Variants in PTK2 observed in about 807,000 individuals in gnomAD.
The protein encoded by PTK2 is protein tyrosine kinase 2, also known as focal adhesion kinase 1.
A neutral mutation model predicts 150.1 loss-of-function variants in PTK2; 45 were observed. The observed-to-expected ratio is 0.30, with a 90% CI of 0.24 to 0.38. The LOEUF (loss-of-function observed/expected upper bound fraction) is 0.38. PTK2 is among the 10% of genes least tolerant of loss of function. The probability of loss-of-function intolerance (pLI) is 1.00; values close to 1 mark genes in which losing one functional copy is unlikely to be tolerated. For missense variants in PTK2, 919 were observed against 1,307.3 expected (o/e 0.70, Z 4.58); for synonymous variants, 432 against 449.2 (o/e 0.96, Z 0.48).
At chr8:140,737,530 G>A (rs1003671393) in intron 21 of PTK2, among the ~76,000 whole-genome samples, 1 of 152,304 alleles carries the variant, frequency 6.6e-6, no homozygotes, top group Admixed American at 6.5e-5. Context: ...AAAAAAGGGA[G>A]GAGAATGTTG....
chr8:140,926,265 G>C (rs1159292070), intron 1 of PTK2, among the ~76,000 whole-genome samples: 1 of 152,320 alleles, frequency 6.6e-6, no homozygotes, highest in East Asian at 1.9e-4. Context: ...CTGAGGAACA[G>C]AGAAATTAAG....
At chr8:140,890,267 T>TAAA in intron 3 of PTK2, 5 of 286,270 alleles carry the variant, frequency 1.7e-5, no homozygotes, top group South Asian at 6.9e-5. Flanking sequence ...ATCCAAGAGT[T>TAAA]AAAAAAAAAA....
At chr8:140,898,847 A>G (rs1270776433) in intron 2 of PTK2, among the ~76,000 whole-genome samples, 1 of 152,126 alleles carries the variant, frequency 6.6e-6, no homozygotes, top group African/African-American at 2.4e-5. Context: ...GTGGTGAGGG[A>G]GGGTGTTGAA....
intron 4 of PTK2, among the ~76,000 whole-genome samples, chr8:140,868,449 G>T (rs1197727308): frequency 2.0e-5 from 3 of 152,186 alleles, no homozygotes; most frequent in Non-Finnish European, 4.4e-5. Flanking sequence ...TAAGATCAGT[G>T]GGTGAAAGTG....
intron 4 of PTK2, 67 bp from the exon 5 acceptor site, chr8:140,864,466 A>T: frequency 1.1e-6 from 1 of 903,018 alleles, no homozygotes; most frequent in Admixed American, 2.4e-5. Flanking sequence ...GTCTACAATT[A>T]TAATATTGTG....
At chr8:140,828,483 T>C (rs1013994133) in intron 8 of PTK2, among the ~76,000 whole-genome samples, 6 of 152,168 alleles carry the variant, frequency 3.9e-5, no homozygotes, top group Non-Finnish European at 8.8e-5. Flanking sequence ...CAACAGTCAC[T>C]CTTTTCCTAA....
At chr8:140,697,337 G>A (rs1590847451) in intron 26 of PTK2, among the ~76,000 whole-genome samples, 1 of 151,478 alleles carries the variant, frequency 6.6e-6, no homozygotes, top group Non-Finnish European at 1.5e-5. Context: ...ACACCACATA[G>A]TGAGAAGTAT....
intron 8 of PTK2, among the ~76,000 whole-genome samples, chr8:140,825,361 A>G (rs1245035443): frequency 6.6e-6 from 1 of 152,212 alleles, no homozygotes; most frequent in Non-Finnish European, 1.5e-5. Flanking sequence ...TAAGCTTAAA[A>G]TAGTCATCTG....
Position 140,691,204 on chromosome 8 carries a change from G to C in PTK2, c.2500-4510C>G, listed in dbSNP as rs549520370. 7.9e-3 allele frequency among the ~76,000 whole-genome samples: 1,155 copies of C among 147,054 alleles called. 14 individuals carry two copies. The highest frequency in any genetic ancestry group is 0.07 in the Middle Eastern group (20 of 286). On this transcript the variant is annotated intron_variant, in intron 26 of 31. Transcript: ENST00000522684. ...TCTTTTAGAGATGGTTGGGGGTGGG[G>C]GGTCTCACTATGTTATCCAGGCTGG...
intron 2 of PTK2, chr8:140,921,159 T>A: frequency 8.2e-7 from 1 of 1,213,202 alleles, no homozygotes; most frequent in Non-Finnish European, 1.0e-6. Context: ...CCTGGCTAGA[T>A]CAAGCTACTG....
At chr8:140,747,019 T>C (rs1244161959) in intron 17 of PTK2, 159 bp from the exon 21 acceptor site, 6 of 545,384 alleles carry the variant, frequency 1.1e-5, no homozygotes, top group Non-Finnish European at 1.9e-5. Context: ...GCCTCCCGAG[T>C]AGCTGGGACT....
intron 5 of PTK2, among the ~76,000 whole-genome samples, chr8:140,853,914 C>A (rs907467513): frequency 6.6e-6 from 1 of 152,046 alleles, no homozygotes; most frequent in Non-Finnish European, 1.5e-5. Context: ...TGTATCTTAA[C>A]GACAGCTTTA....
intron 3 of PTK2, among the ~76,000 whole-genome samples, chr8:140,886,139 T>C (rs1181234560): frequency 6.6e-6 from 1 of 152,220 alleles, no homozygotes; most frequent in East Asian, 1.9e-4. Flanking sequence ...GTATTCGATA[T>C]GGCTTGAGAG....
chr8:140,748,570 C>G (rs1268421869), intron 17 of PTK2, among the ~76,000 whole-genome samples: 1 of 151,438 alleles, frequency 6.6e-6, no homozygotes, highest in Non-Finnish European at 1.5e-5. Context: ...CAGCTGCTGC[C>G]TTTTTTGGCA....
intron 4 of PTK2, among the ~76,000 whole-genome samples, chr8:140,870,657 C>T (rs938071335): frequency 3.3e-5 from 5 of 151,884 alleles, no homozygotes; most frequent in African/African-American, 1.2e-4. Context: ...AAACTGCAAG[C>T]AAAGGGGAGA....
intron 11 of PTK2, among the ~76,000 whole-genome samples, chr8:140,800,861 G>A (rs2100094629): frequency 6.6e-6 from 1 of 152,114 alleles, no homozygotes; most frequent in African/African-American, 2.4e-5. Flanking sequence ...CAGAGTGTCT[G>A]GCCCCTCTGG....
intron 5 of PTK2, among the ~76,000 whole-genome samples, chr8:140,861,019 T>C (rs1438917042): frequency 2.0e-5 from 3 of 152,212 alleles, no homozygotes; most frequent in Non-Finnish European, 2.9e-5. Context: ...ATTTAAGTAA[T>C]GTTTTAGAAT....
rs1156629217 is a variant in PTK2, at chr8:140,848,972, G to GA, written c.451-2295dup. 2.6e-5 allele frequency among the ~76,000 whole-genome samples: 4 copies of GA among 151,916 alleles called. No homozygotes were observed. In the East Asian group the frequency reaches 5.8e-4, roughly 22 times the overall value. ...AATTTTTAAACACTATTCACAGGTA[G>GA]AAAAAATAATCAAATGCTATATTTC... On this transcript the variant is annotated intron_variant, in intron 5 of 31. Transcript: ENST00000522684.
chr8:140,676,873 G>A (rs1476367239), intron 27 of PTK2, among the ~76,000 whole-genome samples: 6 of 147,408 alleles, frequency 4.1e-5, no homozygotes, highest in South Asian at 2.2e-4. Flanking sequence ...TGGTGGGGGC[G>A]GAAATTGCAG....
Sources: allele counts gnomAD v4.1 joint callset (sites outside exome capture counted in the v4.1 genomes callset), GRCh38; gene constraint gnomAD v4.1.1; transcripts MANE v1.5; gene names NCBI Gene and HGNC (gene_info 2026-07-23, HGNC 2026-07-21).